GNG4: variants seen among roughly 807,000 people sequenced by gnomAD.
GNG4 encodes guanine nucleotide-binding protein G(I)/G(S)/G(O) subunit gamma-4.
GNG4 carries 4 observed loss-of-function variants against 5.8 expected under a neutral mutation model. The ratio of observed to expected loss-of-function variants is 0.69; its 90% CI spans 0.34 to 1.57. The LOEUF (loss-of-function observed/expected upper bound fraction) is 1.57. Ranked by LOEUF, GNG4 falls within the 40% of genes most tolerant of loss-of-function variation. GNG4 has a pLI of 0.06. For missense variants in GNG4, 96 were observed against 95.1 expected (o/e 1.01, Z -0.04); for synonymous variants, 29 against 32.9 (o/e 0.88, Z 0.41).
At chr1:235,616,503 T>C (rs1169391546) in intron 1 of GNG4, 1 of 204,664 alleles carries the variant, frequency 4.9e-6, no homozygotes, top group African/African-American at 2.4e-5. Flanking sequence ...GGTTGTTCCA[T>C]GAAAAACTTA....
At chr1:235,606,360 C>T (rs914790500) in intron 1 of GNG4, among the ~76,000 whole-genome samples, 15 of 151,888 alleles carry the variant, frequency 9.9e-5, no homozygotes, top group Admixed American at 3.3e-4. Context: ...TCAGCCTGGG[C>T]GACAGAGCAA....
At chr1:235,599,509 G>T (rs1010530634) in intron 1 of GNG4, among the ~76,000 whole-genome samples, 2 of 151,884 alleles carry the variant, frequency 1.3e-5, no homozygotes, top group African/African-American at 4.8e-5. Context: ...TAGAGACGGG[G>T]TTTCACCATG....
At position 235,648,561 on chromosome 1, in the gene GNG4, G is replaced by A. The variant is rs189710545; in HGVS notation, c.-123+1101C>T. ...GAGTTGCGGGAGGAATCGAGAAGCC[G>A]GCCGCAGAGCCCAGGTCCCCCATGG... On this transcript the variant is annotated intron_variant, in intron 1 of 3. Transcript: ENST00000391854. This position sits in a 1 kb window ranked among gnomAD's most constrained non-coding sequence, Gnocchi z 5.0. 6.6e-6 allele frequency among the ~76,000 whole-genome samples: 1 copy of A among 152,316 alleles called. No individual in the cohort carries two copies. Among genetic ancestry groups the A allele is most frequent in the East Asian group, 1.9e-4 (1 of 5,174 alleles).
chr1:235,581,009 T>G (rs2102939171), intron 3 of GNG4, among the ~76,000 whole-genome samples: 1 of 151,996 alleles, frequency 6.6e-6, no homozygotes, highest in Admixed American at 6.6e-5. Context: ...GCCTCGGCCT[T>G]CCAAAGTGCT....
At chr1:235,617,947 C>T (rs185928290) in intron 1 of GNG4, among the ~76,000 whole-genome samples, 2 of 151,864 alleles carry the variant, frequency 1.3e-5, no homozygotes, top group African/African-American at 4.8e-5. Context: ...TGGGAGCTGC[C>T]TCCCTAAAAG....
In GNG4 at chr1:235,592,334, C is replaced by T. The variant is rs188824543; in HGVS notation, c.-11+3066G>A. On this transcript the variant is annotated intron_variant, in intron 2 of 3. Transcript: ENST00000391854. ...CAGCCTGGCCAACATGGTGAAACCCCGTCTTTACTAAAAATACAAAAAAGA... is the reference window on the plus strand; with the variant it reads ...CAGCCTGGCCAACATGGTGAAACCCTGTCTTTACTAAAAATACAAAAAAGA... Among the ~76,000 whole-genome samples the T allele has an allele frequency of 1.9e-3, 284 of 152,160 alleles. 1 individual carries two copies. Among genetic ancestry groups the T allele is most frequent in the African/African-American group, 6.2e-3 (259 of 41,512 alleles).
intron 1 of GNG4, among the ~76,000 whole-genome samples, chr1:235,620,622 G>A (rs942211882): frequency 1.3e-5 from 2 of 151,944 alleles, no homozygotes; most frequent in African/African-American, 4.8e-5. Flanking sequence ...TGCAAGCTCC[G>A]CCTCCCGCGT....
chr1:235,557,126 C>A (rs1305454703), intron 3 of GNG4, among the ~76,000 whole-genome samples: 1 of 152,148 alleles, frequency 6.6e-6, no homozygotes, highest in African/African-American at 2.4e-5. Flanking sequence ...TGGTCCATGG[C>A]CCGGCGGTTG....
At chr1:235,591,466 TAAG>T (rs1427027152) in intron 2 of GNG4, among the ~76,000 whole-genome samples, 3 of 152,176 alleles carry the variant, frequency 2.0e-5, no homozygotes, top group East Asian at 1.9e-4. Flanking sequence ...TAGAGCCCTA[TAAG>T]AAGGTTTCGG....
rs1281533166 is a variant in GNG4 at position 235,549,666 on chromosome 1, A to G, written c.*2443T>C. On this transcript the variant is annotated 3_prime_UTR_variant, in exon 4 of 4. Transcript: ENST00000391854. The stretch of plus-strand genomic sequence containing the variant: ...TGAGCATCTTAACAACACTGGTATT[A>G]TTAGTGAGCTGATAATGAAACTAAG... 1 of 152,230 alleles carries G rather than the reference A, an allele frequency of 6.6e-6. No homozygotes were observed. Among genetic ancestry groups the G allele is most frequent in the Non-Finnish European group, 1.5e-5 (1 of 68,044 alleles). The allele number at this position is 152,230 out of a possible 1,614,324, so 9.4% of individuals were successfully genotyped here.
intron 3 of GNG4, among the ~76,000 whole-genome samples, chr1:235,563,404 A>C (rs1000085373): frequency 2.4e-4 from 5 of 21,098 alleles, no homozygotes; most frequent in African/African-American, 1.1e-3. Flanking sequence ...AAACTGTCTC[A>C]AAAAAAAAAA....
chr1:235,568,177 G>GAAA (rs1687247377), intron 3 of GNG4, among the ~76,000 whole-genome samples: 1 of 146,808 alleles, frequency 6.8e-6, no homozygotes, highest in Non-Finnish European at 1.5e-5. Flanking sequence ...TTAAACCTAT[G>GAAA]ACTGCCTTGG....
intron 2 of GNG4, among the ~76,000 whole-genome samples, chr1:235,587,303 AGGGTGAGGGGTGT>A (rs1687793287): frequency 3.3e-5 from 1 of 29,952 alleles, no homozygotes; most frequent in Non-Finnish European, 5.4e-5. Context: ...GGTGTGTGTG[AGGGTGAGGGGTGT>A]GTGTGTGTGA....
chr1:235,593,110 A>G lies in GNG4; in HGVS notation c.-11+2290T>C, dbSNP rs146523403. On this transcript the variant is annotated intron_variant, in intron 2 of 3. Transcript: ENST00000391854. ...ATTACAGGTGCGTACCACTATGCCC[A>G]GCTAATTTTTGTATTTTTAGTAGAG... Among the ~76,000 whole-genome samples, 1,348 of 152,170 alleles carry G rather than the reference A, an allele frequency of 8.9e-3. 22 individuals are homozygous for G. Among genetic ancestry groups the G allele is most frequent in the African/African-American group, 0.031 (1,288 of 41,512 alleles).
In GNG4 at chr1:235,648,262, A is replaced by G. The variant is rs1461558215; in HGVS notation, c.-123+1400T>C. On this transcript the variant is annotated intron_variant, in intron 1 of 3. Coordinates refer to ENST00000391854, the MANE Select transcript of GNG4 (RefSeq NM_001098722.2). The surrounding 1 kb of genome is among the most constrained non-coding windows in gnomAD (Gnocchi z 5.0). The stretch of plus-strand genomic sequence containing the variant: ...AACTAACCCCATGGTGAGGCTGCTC[A>G]TTAACAGGCAAGGCATCACTGTAAA... Among the ~76,000 whole-genome samples the G allele has an allele frequency of 6.6e-6, 1 of 152,220 alleles. No homozygotes were observed. The highest frequency in any genetic ancestry group is 1.9e-4 in the East Asian group (1 of 5,202).
chr1:235,560,427 G>A (rs996891983), intron 3 of GNG4, among the ~76,000 whole-genome samples: 1 of 152,094 alleles, frequency 6.6e-6, no homozygotes, highest in Non-Finnish European at 1.5e-5. Context: ...CTGCTGTGGG[G>A]TGACACTGCA....
At chr1:235,620,072 T>C (rs1228069570) in intron 1 of GNG4, among the ~76,000 whole-genome samples, 1 of 152,178 alleles carries the variant, frequency 6.6e-6, no homozygotes, top group African/African-American at 2.4e-5. Context: ...CTTTTAAAAC[T>C]TTCGTTGGAG....
intron 3 of GNG4, among the ~76,000 whole-genome samples, chr1:235,581,873 C>T (rs896672677): frequency 6.6e-6 from 1 of 152,170 alleles, no homozygotes; most frequent in African/African-American, 2.4e-5. Flanking sequence ...GACACCCGGT[C>T]CTCACAGGGG....
chr1:235,634,584 T>C (rs1688993361), intron 1 of GNG4, among the ~76,000 whole-genome samples: 1 of 152,208 alleles, frequency 6.6e-6, no homozygotes, highest in African/African-American at 2.4e-5. Context: ...GTATTTTCTT[T>C]CTGCTTTCCC....
Sources: gnomAD v4.1 joint callset for allele counts (sites outside exome capture counted in the v4.1 genomes callset) on GRCh38, gnomAD v4.1.1 for gene constraint, Gnocchi (gnomAD v3.1) non-coding constraint, MANE v1.5 for transcripts, NCBI Gene and HGNC (gene_info 2026-07-23, HGNC 2026-07-21) for gene names.